MGST2: variants seen among roughly 807,000 people sequenced by gnomAD.
MGST2 encodes glutathione peroxidase MGST2.
MGST2 carries 9 observed loss-of-function variants against 16.6 expected under a neutral mutation model. The observed-to-expected ratio is 0.54, with a 90% CI of 0.33 to 0.95. MGST2 has a LOEUF of 0.95. Ranked by LOEUF, MGST2 falls within the 40% of genes least tolerant of loss-of-function variation. The pLI, the probability that MGST2 is intolerant of heterozygous loss-of-function variation, is 0.03. For synonymous variants in MGST2, 79 were observed against 68.0 expected (o/e 1.16, Z -0.79); for missense variants, 159 against 175.1 (o/e 0.91, Z 0.52).
chr4:139,742,851 G>C (rs1729210686), downstream of MGST2, among the ~76,000 whole-genome samples: 1 of 152,162 alleles, frequency 6.6e-6, no homozygotes, highest in Non-Finnish European at 1.5e-5. Flanking sequence ...TATAACAATA[G>C]AGGCCTTCAA....
chr4:139,729,726 G>C (rs768517302), intron 5 of MGST2, among the ~76,000 whole-genome samples: 5 of 152,230 alleles, frequency 3.3e-5, no homozygotes, highest in Admixed American at 3.3e-4. Flanking sequence ...TACAGTAGCA[G>C]TCTGCAGGGA....
chr4:139,729,285 G>A (rs749735661), intron 5 of MGST2, among the ~76,000 whole-genome samples: 3 of 151,900 alleles, frequency 2.0e-5, no homozygotes, highest in African/African-American at 2.4e-5. Context: ...CCATGGGCCC[G>A]TGTCCTACAC....
At chr4:139,707,631 A>G (rs1225910807), downstream of MGST2, among the ~76,000 whole-genome samples, 2 of 150,544 alleles carry the variant, frequency 1.3e-5, no homozygotes, top group South Asian at 4.2e-4. Flanking sequence ...GAATCGCCAC[A>G]CTGACTTCCA....
At chr4:139,670,740 CTG>C (rs1730641742) in intron 1 of MGST2, among the ~76,000 whole-genome samples, 1 of 151,976 alleles carries the variant, frequency 6.6e-6, no homozygotes, top group South Asian at 2.1e-4. Context: ...TGATGAAATG[CTG>C]TCTCTATTAA....
chr4:139,665,916 CA>C lies in MGST2; in HGVS notation c.-103del. On this transcript the variant is annotated 5_prime_UTR_variant, in exon 1 of 5. Transcript: ENST00000265498. ...GCCGCTTGAATCAGCCTTTTCCCCCCACCCGGTCCCCAACTTTGTTTACCCG... is the reference window on the plus strand; with the variant it reads ...GCCGCTTGAATCAGCCTTTTCCCCCCCCCGGTCCCCAACTTTGTTTACCCG... 4 of 1,170,456 alleles carry C rather than the reference CA, an allele frequency of 3.4e-6. No individual in the cohort carries two copies. The highest frequency in any genetic ancestry group is 5.1e-6 in the Non-Finnish European group (4 of 789,448). 72.5% of individuals were successfully genotyped at this position (1,170,456 alleles called of 1,614,324 possible).
intron 1 of MGST2, among the ~76,000 whole-genome samples, chr4:139,674,745 C>T (rs1730878146): frequency 6.6e-6 from 1 of 152,130 alleles, no homozygotes; most frequent in South Asian, 2.1e-4. Context: ...CATGCCACTG[C>T]ACTCCAGCCT....
chr4:139,727,049 T>C (rs1728503280), intron 5 of MGST2, among the ~76,000 whole-genome samples: 1 of 152,200 alleles, frequency 6.6e-6, no homozygotes, highest in African/African-American at 2.4e-5. Flanking sequence ...CTTTAGAGTG[T>C]TCATTATAAA....
intron 2 of MGST2, among the ~76,000 whole-genome samples, chr4:139,691,685 G>T (rs534929137): frequency 0.033 from 4,530 of 138,306 alleles, 182 homozygotes; most frequent in African/African-American, 0.098. Context: ...TGATGATGAT[G>T]ATGATGATGA....
chr4:139,680,034 T>C (rs956140755), intron 2 of MGST2, among the ~76,000 whole-genome samples: 1 of 152,216 alleles, frequency 6.6e-6, no homozygotes, highest in African/African-American at 2.4e-5. Flanking sequence ...TTTTGATTAC[T>C]ACTTTGGGTA....
chr4:139,730,679 A>T, intron 5 of MGST2: 1 of 1,606,076 alleles, frequency 6.2e-7, no homozygotes, highest in South Asian at 1.1e-5. Context: ...TGGGAAGACA[A>T]GAGAGAGGGA....
intron 5 of MGST2, among the ~76,000 whole-genome samples, chr4:139,711,337 T>C: frequency 6.6e-6 from 1 of 152,010 alleles, no homozygotes; most frequent in East Asian, 1.9e-4. Flanking sequence ...CACGAGTGAG[T>C]GCTCAGTGCA....
At chr4:139,675,506 T>C (rs8192046) in intron 1 of MGST2, among the ~76,000 whole-genome samples, 233 of 152,348 alleles carry the variant, frequency 1.5e-3, no homozygotes, top group African/African-American at 5.4e-3. Flanking sequence ...TACTGTTTTA[T>C]AACAGGGAAA....
chr4:139,691,110 TCTCGCCA>T (rs1360932684), intron 2 of MGST2, among the ~76,000 whole-genome samples: 1 of 152,214 alleles, frequency 6.6e-6, no homozygotes, highest in Non-Finnish European at 1.5e-5. Context: ...CAAAGAGGGC[TCTCGCCA>T]GGGAATGAGT....
At chr4:139,686,618 C>G (rs1731585271) in intron 2 of MGST2, among the ~76,000 whole-genome samples, 1 of 152,180 alleles carries the variant, frequency 6.6e-6, no homozygotes, top group South Asian at 2.1e-4. Flanking sequence ...AATTTAGTAA[C>G]TTTTTGCTTT....
chr4:139,690,666 A>C (rs904920208), intron 2 of MGST2, among the ~76,000 whole-genome samples: 1 of 152,100 alleles, frequency 6.6e-6, no homozygotes, highest in Non-Finnish European at 1.5e-5. Flanking sequence ...CAACTGTTAG[A>C]GCTATGCAAT....
rs1175837447 is a variant in MGST2 at position 139,703,355 on chromosome 4, A to G, written c.230-100A>G. On this transcript the variant is annotated intron_variant, in intron 3 of 4. Transcript: ENST00000265498. ...TATTCTGAATATAAGTATCTTGTCC[A>G]ATATATGTTTTGTGAATATTTTCTC... is the stretch of plus-strand genomic sequence containing the variant. 8.3e-6 allele frequency: 8 copies of G among 963,798 alleles called. No homozygotes were observed. In the African/African-American group the frequency reaches 9.6e-5, roughly 12 times the overall value. 59.7% of individuals were successfully genotyped at this position (963,798 alleles called of 1,614,324 possible). A position where few individuals can be genotyped will look rare whatever the true frequency, so the allele number is the denominator to read the frequency against.
At chr4:139,702,843 G>GTTTTTTTTTTTTTTTTTTT (rs1727325108) in intron 3 of MGST2, among the ~76,000 whole-genome samples, 1 of 27,604 alleles carries the variant, frequency 3.6e-5, no homozygotes, top group Non-Finnish European at 1.3e-4. Flanking sequence ...TTGTGTTACT[G>GTTTTTTTTTTTTTTTTTTT]GTTTTTTTTT....
intron 1 of MGST2, among the ~76,000 whole-genome samples, chr4:139,677,745 C>T (rs574719454): frequency 1.3e-5 from 2 of 152,218 alleles, no homozygotes; most frequent in Non-Finnish European, 2.9e-5. Context: ...TTGGGTAATC[C>T]ACCCGTCTCA....
At chr4:139,705,124 C>G (rs8192116), downstream of MGST2, among the ~76,000 whole-genome samples, 4,634 of 152,222 alleles carry the variant, frequency 0.03, 165 homozygotes, top group East Asian at 0.18. Flanking sequence ...CTCAAGCGAG[C>G]CTCCTGCTTC....
Sources: gnomAD v4.1 joint callset for allele counts (sites outside exome capture counted in the v4.1 genomes callset) on GRCh38, gnomAD v4.1.1 for gene constraint, MANE v1.5 for transcripts, NCBI Gene and HGNC (gene_info 2026-07-23, HGNC 2026-07-21) for gene names.